SYNDIG1: variants seen among roughly 807,000 people sequenced by gnomAD.
SYNDIG1 encodes the protein synapse differentiation inducing 1, also known as synapse differentiation-inducing gene protein 1.
Under a neutral mutation model 19.4 loss-of-function variants are expected in SYNDIG1, and 9 were observed. The observed-to-expected ratio is 0.46, with a 90% confidence interval of 0.28 to 0.81. The LOEUF is 0.81. SYNDIG1 is among the 30% of genes least tolerant of loss of function. The pLI, the probability that SYNDIG1 is intolerant of heterozygous loss-of-function variation, is 0.12. For missense variants in SYNDIG1, 311 were observed against 343.3 expected, an observed-to-expected ratio of 0.91 and a Z score of 0.74; for synonymous variants, 141 against 145.9, an observed-to-expected ratio of 0.97 and a Z score of 0.24.
chr20:24,614,898 G>C (rs1384909827), intron 3 of SYNDIG1, among the ~76,000 whole-genome samples: 1 of 152,164 alleles, frequency 6.6e-6, no homozygotes, highest in Non-Finnish European at 1.5e-5. Context: ...TTATAGTTTG[G>C]ACCAGGTGCA....
intron 3 of SYNDIG1, 101 bp downstream of exon 3, chr20:24,585,094 C>A: frequency 6.9e-7 from 1 of 1,448,472 alleles, no homozygotes; most frequent in Non-Finnish European, 9.4e-7. Context: ...GAAGCCCAAA[C>A]AGCTCCTGCT....
chr20:24,573,860 G>A (rs1265838019), intron 2 of SYNDIG1, among the ~76,000 whole-genome samples: 1 of 152,206 alleles, frequency 6.6e-6, no homozygotes, highest in Non-Finnish European at 1.5e-5. Flanking sequence ...AGGCTCTGCA[G>A]CAGGTGCTCT....
chr20:24,603,668 A>G (rs2058712111), intron 3 of SYNDIG1, among the ~76,000 whole-genome samples: 1 of 152,168 alleles, frequency 6.6e-6, no homozygotes, highest in African/African-American at 2.4e-5. Context: ...TCAGCGAGGA[A>G]GCATTGCATT....
At chr20:24,578,519 C>T (rs1361997896) in intron 2 of SYNDIG1, among the ~76,000 whole-genome samples, 1 of 151,648 alleles carries the variant, frequency 6.6e-6, no homozygotes, top group East Asian at 1.9e-4. Context: ...ATCGGTATCA[C>T]GTGAATGCAG....
intron 3 of SYNDIG1, among the ~76,000 whole-genome samples, chr20:24,618,887 G>A (rs920567293): frequency 7.2e-5 from 11 of 151,830 alleles, no homozygotes; most frequent in Admixed American, 2.0e-4. Context: ...AACTGCTGTA[G>A]CCAAGAGACC....
chr20:24,528,570 T>C (rs75631109), intron 1 of SYNDIG1, among the ~76,000 whole-genome samples: 2,959 of 152,286 alleles, frequency 0.019, 55 homozygotes, highest in Non-Finnish European at 0.028. Flanking sequence ...GGATGAACAC[T>C]GTGTGCTCAC....
At chr20:24,506,419 G>A (rs1228326940) in intron 1 of SYNDIG1, among the ~76,000 whole-genome samples, 1 of 152,226 alleles carries the variant, frequency 6.6e-6, no homozygotes, top group Admixed American at 6.5e-5. Context: ...ATTCCCCCAA[G>A]CGCCAAAGAG....
At chr20:24,505,996 G>T (rs911204601) in intron 1 of SYNDIG1, among the ~76,000 whole-genome samples, 1 of 152,234 alleles carries the variant, frequency 6.6e-6, no homozygotes, top group African/African-American at 2.4e-5. Context: ...TAGGTGCCAG[G>T]ATGGCAGGAA....
At chr20:24,594,002 C>G (rs1210503049) in intron 3 of SYNDIG1, among the ~76,000 whole-genome samples, 1 of 152,038 alleles carries the variant, frequency 6.6e-6, no homozygotes, top group African/African-American at 2.4e-5. Context: ...TTCTGTGGAA[C>G]ATTTCTTTTG....
intron 3 of SYNDIG1, among the ~76,000 whole-genome samples, chr20:24,655,438 C>T (rs1295171547): frequency 6.6e-6 from 1 of 152,144 alleles, no homozygotes; most frequent in Non-Finnish European, 1.5e-5. Context: ...TCATCCACCA[C>T]AATAGTCGGT....
chr20:24,544,205 G>A (rs1284787468), intron 2 of SYNDIG1, among the ~76,000 whole-genome samples: 1 of 152,192 alleles, frequency 6.6e-6, no homozygotes, highest in East Asian at 1.9e-4. Context: ...GATATAGTGT[G>A]GTAGGCACAG....
chr20:24,480,469 A>T (rs2055764990), intron 1 of SYNDIG1, among the ~76,000 whole-genome samples: 1 of 152,196 alleles, frequency 6.6e-6, no homozygotes, highest in Non-Finnish European at 1.5e-5. Context: ...AATCACAGAA[A>T]ATAACAAGTG....
At chr20:24,510,493 C>T (rs957794263) in intron 1 of SYNDIG1, among the ~76,000 whole-genome samples, 1 of 149,486 alleles carries the variant, frequency 6.7e-6, no homozygotes, top group African/African-American at 2.5e-5. Flanking sequence ...CTCTTGAACC[C>T]GGGAGGCAGA....
chr20:24,521,103 T>A (rs1256381364), intron 1 of SYNDIG1, among the ~76,000 whole-genome samples: 1 of 152,254 alleles, frequency 6.6e-6, no homozygotes, highest in Non-Finnish European at 1.5e-5. Flanking sequence ...TCACTTAGCA[T>A]GTTGTCTTCA....
chr20:24,655,336 T>TA (rs2059514101), intron 3 of SYNDIG1, among the ~76,000 whole-genome samples: 1 of 152,050 alleles, frequency 6.6e-6, no homozygotes, highest in Non-Finnish European at 1.5e-5. Context: ...GAACACAAAG[T>TA]ACGTAGTCAA....
intron 2 of SYNDIG1, among the ~76,000 whole-genome samples, chr20:24,573,475 C>T (rs992399340): frequency 1.3e-5 from 2 of 152,198 alleles, no homozygotes; most frequent in African/African-American, 4.8e-5. Context: ...GCCTGAAGTC[C>T]AGTGTACAAC....
chr20:24,531,831 C>T (rs1031256490), intron 1 of SYNDIG1, among the ~76,000 whole-genome samples: 2 of 152,186 alleles, frequency 1.3e-5, no homozygotes, highest in African/African-American at 2.4e-5. Flanking sequence ...ATGGCTTCTG[C>T]GTGTGCTGGT....
chr20:24,485,768 G>A (rs1453072600), intron 1 of SYNDIG1, among the ~76,000 whole-genome samples: 1 of 152,190 alleles, frequency 6.6e-6, no homozygotes, highest in Non-Finnish European at 1.5e-5. Flanking sequence ...GGAGGAATCT[G>A]GAAGCAGGAG....
chr20:24,488,824 C>T (rs958277976), intron 1 of SYNDIG1, among the ~76,000 whole-genome samples: 1 of 152,204 alleles, frequency 6.6e-6, no homozygotes, highest in African/African-American at 2.4e-5. Context: ...CCAGTATCTG[C>T]TGATGTCTTT....
Sources: gnomAD v4.1 joint callset for allele counts (sites outside exome capture counted in the v4.1 genomes callset) on GRCh38, gnomAD v4.1.1 for gene constraint, MANE v1.5 for transcripts, NCBI Gene and HGNC (gene_info 2026-07-23, HGNC 2026-07-21) for gene names.